The following ATG7 variants were observed in gnomAD, a reference collection of about 807,000 sequenced individuals.
The protein encoded by ATG7 is ubiquitin-like modifier-activating enzyme ATG7.
A neutral mutation model predicts 82.4 loss-of-function variants in ATG7; 70 were observed. That is an observed-to-expected ratio of 0.85 (90% CI 0.70 to 1.04). The LOEUF (loss-of-function observed/expected upper bound fraction) is 1.04. ATG7 is among the 50% of genes least tolerant of loss of function. The pLI, the probability that ATG7 is intolerant of heterozygous loss-of-function variation, is 0.00. For synonymous variants in ATG7, 287 were observed against 313.0 expected, an observed-to-expected ratio of 0.92 and a Z score of 0.88; for missense variants, 792 against 864.3, an observed-to-expected ratio of 0.92 and a Z score of 1.05.
chr3:11,484,541 C>A (rs6803767), intron 20 of ATG7, among the ~76,000 whole-genome samples: 4,660 of 152,184 alleles, frequency 0.031, 245 homozygotes, highest in African/African-American at 0.11. Flanking sequence ...AGGATATTTT[C>A]TTTTTCTTTT....
In ATG7 at chr3:11,396,223, C is replaced by T. The variant is rs2079261979; in HGVS notation, c.1956+16171C>T. ...GCACTTTTGGAGGCTGAGGCAAGCG[C>T]ATCACTTGAGGTCAAGAATTTGAGA... is the stretch of plus-strand genomic sequence containing the variant. On this transcript the variant is annotated intron_variant, in intron 19 of 20. Transcript: ENST00000693202. Among the ~76,000 whole-genome samples the T allele has an allele frequency of 1.3e-5, 2 of 151,966 alleles. 1 individual carries two copies. The highest frequency in any genetic ancestry group is 4.1e-4 in the South Asian group (2 of 4,824).
At chr3:11,493,021 A>G (rs1255240718) in intron 20 of ATG7, among the ~76,000 whole-genome samples, 1 of 152,264 alleles carries the variant, frequency 6.6e-6, no homozygotes, top group Non-Finnish European at 1.5e-5. Flanking sequence ...AGCAAGGGCA[A>G]AGGGCCAGTG....
rs13084229 is a variant in ATG7, at chr3:11,538,884, G to A, written c.2080-15927G>A. Among the ~76,000 whole-genome samples the A allele has an allele frequency of 7.0e-3, 265 of 37,594 alleles. 3 individuals carry two copies. Among genetic ancestry groups the A allele is most frequent in the African/African-American group, 0.023 (240 of 10,618 alleles). 24.7% of individuals were successfully genotyped at this position (37,594 alleles called of 152,430 possible). On this transcript the variant is annotated intron_variant, in intron 20 of 20. Transcript: ENST00000693202. ...GTGAGACTCTTGTCTCAAAAAAAAA[G>A]AAAAAGAAAAAGCCCTTAGTAATTC... is the stretch of plus-strand genomic sequence containing the variant.
chr3:11,285,261 A>G (rs1326485723), intron 3 of ATG7, among the ~76,000 whole-genome samples: 2 of 144,464 alleles, frequency 1.4e-5, no homozygotes, highest in Non-Finnish European at 3.0e-5. Context: ...CTCACTGCAG[A>G]CTCGACCTCC....
At chr3:11,457,900 C>T (rs2085901093) in intron 20 of ATG7, among the ~76,000 whole-genome samples, 2 of 152,094 alleles carry the variant, frequency 1.3e-5, no homozygotes, top group African/African-American at 4.8e-5. Flanking sequence ...CCCTCAGGAC[C>T]GGACCTAGTG....
chr3:11,276,903 C>T lies in ATG7; in HGVS notation c.-365-4091C>T, dbSNP rs926092021. 2.6e-5 allele frequency among the ~76,000 whole-genome samples: 4 copies of T among 152,212 alleles called. No individual in the cohort carries two copies. In the South Asian group the frequency reaches 8.3e-4, roughly 32 times the overall value. On this transcript the variant is annotated intron_variant, in intron 1 of 20. Coordinates refer to ENST00000693202, the MANE Select transcript of ATG7 (RefSeq NM_001349232.2). ...CCTGAGTGCTACCCTCAAACTCAAA[C>T]AAGTCTAAAACTAAGCTCCTCATCT...
At chr3:11,326,294 T>TGTTG (rs1553614005) in intron 9 of ATG7, among the ~76,000 whole-genome samples, 24 of 151,416 alleles carry the variant, frequency 1.6e-4, no homozygotes, top group African/African-American at 5.3e-4. Flanking sequence ...CTGTTTTTTT[T>TGTTG]TTGTTGTTGT....
chr3:11,427,780 A>G (rs1044442724), intron 20 of ATG7, among the ~76,000 whole-genome samples: 1 of 150,090 alleles, frequency 6.7e-6, no homozygotes, highest in Non-Finnish European at 1.5e-5. Context: ...GTGCCACTGC[A>G]CTCCAGTCCG....
At chr3:11,394,728 C>CGG (rs34147877) in intron 19 of ATG7, among the ~76,000 whole-genome samples, 2 of 152,116 alleles carry the variant, frequency 1.3e-5, no homozygotes, top group African/African-American at 4.8e-5. Context: ...TTAAGTGGCC[C>CGG]GGAAACCGTA....
intron 3 of ATG7, among the ~76,000 whole-genome samples, chr3:11,292,561 C>A (rs759097680): frequency 6.7e-6 from 1 of 150,064 alleles, no homozygotes; most frequent in Non-Finnish European, 1.5e-5. Context: ...CACCCAGCCT[C>A]CTTGTGTGAA....
At chr3:11,474,639 G>A (rs1300905953) in intron 20 of ATG7, among the ~76,000 whole-genome samples, 3 of 152,160 alleles carry the variant, frequency 2.0e-5, no homozygotes, top group African/African-American at 7.2e-5. Context: ...AGAGTGTTTG[G>A]ATGAATTGGT....
intron 9 of ATG7, among the ~76,000 whole-genome samples, chr3:11,323,121 G>T (rs552266330): frequency 2.6e-5 from 4 of 152,296 alleles, no homozygotes; most frequent in African/African-American, 9.6e-5. Context: ...ACATGTTAAG[G>T]TTCATAATCA....
intron 20 of ATG7, among the ~76,000 whole-genome samples, chr3:11,498,159 A>G (rs1017127814): frequency 1.3e-5 from 2 of 152,226 alleles, no homozygotes; most frequent in Middle Eastern, 3.4e-3. Context: ...ACACATATAC[A>G]TACATACATA....
At position 11,442,738 on chromosome 3, in the gene ATG7, A is replaced by AC. The variant is rs1328511413; in HGVS notation, c.2079+15813dup. On this transcript the variant is annotated intron_variant, in intron 20 of 20. Transcript: ENST00000693202. Reference sequence around the variant, plus strand: ...GGCAGCATAGTGAGACTCCATCTCTACAAAAAAAAAAAAAAAAAAAAAAAA... The same window carrying AC: ...GGCAGCATAGTGAGACTCCATCTCTACCAAAAAAAAAAAAAAAAAAAAAAAA... Among the ~76,000 whole-genome samples, 41 of 114,978 alleles carry AC rather than the reference A, an allele frequency of 3.6e-4. 3 individuals are homozygous for AC. Among genetic ancestry groups the AC allele is most frequent in the East Asian group, 1.4e-3 (6 of 4,156 alleles). The allele number at this position is 114,978 out of a possible 152,430, so 75.4% of individuals were successfully genotyped here. A position where few individuals can be genotyped will look rare whatever the true frequency, so the allele number is the denominator to read the frequency against.
intron 20 of ATG7, among the ~76,000 whole-genome samples, chr3:11,465,663 A>G (rs1179104780): frequency 6.6e-6 from 1 of 151,932 alleles, no homozygotes; most frequent in East Asian, 1.9e-4. Context: ...TACTTGGAGA[A>G]CTGAGGGGGA....
At chr3:11,492,912 AT>A (rs2090500965) in intron 20 of ATG7, among the ~76,000 whole-genome samples, 1 of 152,250 alleles carries the variant, frequency 6.6e-6, no homozygotes, top group Non-Finnish European at 1.5e-5. Flanking sequence ...CCCAGAGGGC[AT>A]GTTACAATGC....
chr3:11,463,696 C>A (rs2086561488), intron 20 of ATG7, among the ~76,000 whole-genome samples: 1 of 152,200 alleles, frequency 6.6e-6, no homozygotes, highest in African/African-American at 2.4e-5. Context: ...GGAACAGGTT[C>A]TCTCCCTGCA....
chr3:11,321,897 A>G (rs1950265294), intron 9 of ATG7, among the ~76,000 whole-genome samples: 1 of 152,198 alleles, frequency 6.6e-6, no homozygotes, highest in Non-Finnish European at 1.5e-5. Context: ...CAGCTATTCC[A>G]TAAAAATGGA....
intron 20 of ATG7, among the ~76,000 whole-genome samples, chr3:11,551,620 G>C (rs553239995): frequency 9.9e-5 from 15 of 152,272 alleles, no homozygotes; most frequent in African/African-American, 3.4e-4. Flanking sequence ...TATAGAGAGA[G>C]GGTCTTGCTC....
Sources: allele counts gnomAD v4.1 joint callset (sites outside exome capture counted in the v4.1 genomes callset), GRCh38; gene constraint gnomAD v4.1.1; transcripts MANE v1.5; gene names NCBI Gene and HGNC (gene_info 2026-07-23, HGNC 2026-07-21).